ZNF142: variants seen among roughly 807,000 people sequenced by gnomAD.
ZNF142 encodes the protein zinc finger protein 142, also known as zinc finger protein 142 (clone pHZ-49).
Under a neutral mutation model 132.1 loss-of-function variants are expected in ZNF142, and 96 were observed. The observed-to-expected ratio is 0.73, with a 90% confidence interval of 0.62 to 0.86. ZNF142 has a LOEUF of 0.86. Among genes scored for constraint, ZNF142 ranks in the 40% least tolerant of loss-of-function variants. The pLI is 0.00. For missense variants in ZNF142, 2,163 were observed against 2,336.2 expected (o/e 0.93, Z 1.53); for synonymous variants, 842 against 890.1 (o/e 0.95, Z 0.96).
At position 218,643,188 on chromosome 2, in the gene ZNF142, G is replaced by C; in HGVS notation, c.3928C>G (p.Pro1310Ala). 1 of 1,614,250 alleles carries C rather than the reference G, an allele frequency of 6.2e-7. No homozygotes were observed. The highest frequency in any genetic ancestry group is 8.5e-7 in the Non-Finnish European group (1 of 1,180,046). ...GCCCGTTCCTGCTGGCAGCTAAAGG[G>C]ACATGTAGGGCAGGAGAAGCGAGCC... ...KGARFSCPTC[P>A]FSCQQERALR... is the part of the protein sequence containing the mutation. The change falls in exon 9 of 11, where the codon CCC becomes GCC. Residue 1310 changes from proline (P) to alanine (A), a missense_variant. Pro to Ala is a conservative substitution (Grantham distance 27, BLOSUM62 -1). This residue lies in a region of ZNF142 where 809 missense variants were observed against 801.7 expected (regional missense o/e 1.01). Transcript: ENST00000411696.
chr2:218,638,284 C>T lies in ZNF142; in HGVS notation c.*55G>A. 11 of 1,436,970 alleles carry T rather than the reference C, an allele frequency of 7.7e-6. No individual in the cohort carries two copies. The South Asian group carries it at 1.7e-4, about 22-fold the overall frequency. The allele number at this position is 1,436,970 out of a possible 1,614,324, so 89.0% of individuals were successfully genotyped here. ...GAGCTCCTCAGGCTAGCGCTGGTCC[C>T]AGTCTGCACATCTCAGACCATACCC... On this transcript the variant is annotated 3_prime_UTR_variant, in exon 11 of 11. Transcript: ENST00000411696.
At position 218,643,204 on chromosome 2, in the gene ZNF142, G is replaced by C. The variant is rs1270505216; in HGVS notation, c.3912C>G (p.Phe1304Leu). Residue 1304 changes from phenylalanine (F) to leucine (L), a missense_variant, in exon 9 of 11, where the codon TTC (phenylalanine) becomes TTG (leucine). Phe to Leu is a conservative substitution (Grantham distance 22). Transcript: ENST00000411696. ...AGCTAAAGGGACATGTAGGGCAGGA[G>C]AAGCGAGCCCCCTTCTGCTTTTGAA... ...VLVQKQKGAR[F>L]SCPTCPFSCQ... 1 of 1,614,252 alleles carries C rather than the reference G, an allele frequency of 6.2e-7. No individual in the cohort carries two copies. The highest frequency in any genetic ancestry group is 8.5e-7 in the Non-Finnish European group (1 of 1,180,040).
Position 218,656,259 on chromosome 2 carries a change from G to T in ZNF142, c.171C>A (p.Gly57=). 1 of 1,613,650 alleles carries T rather than the reference G, an allele frequency of 6.2e-7. No individual in the cohort carries two copies. Among genetic ancestry groups the T allele is most frequent in the Non-Finnish European group, 8.5e-7 (1 of 1,179,772 alleles). ...RDPAPIPTEP[G]CLLVEATATE... The stretch of plus-strand genomic sequence containing the variant: ...TTGCTGTGGCCTCTACCAGCAGGCA[G>T]CCTGGCTCAGTAGGTATAGGTGCAG... The change falls in exon 4 of 11, where the codon GGC becomes GGA. Residue 57 remains glycine, a synonymous_variant. Transcript: ENST00000411696.
At position 218,638,779 on chromosome 2, in the gene ZNF142, C is replaced by A; in HGVS notation, c.5224G>T (p.Glu1742Ter). Residue 1742 changes from glutamate (E) to a stop codon, truncating the protein, a stop_gained, in exon 11 of 11, where the codon GAG becomes TAG. Transcript: ENST00000411696. LOFTEE classifies it high-confidence loss of function. ...GLKPYQCPEC[E>*]YCTNRADALR... The stretch of plus-strand genomic sequence containing the variant: ...GCATCAGCCCGGTTGGTGCAGTACT[C>A]ACACTCGGGACACTGGTATGGCTTC... The A allele has an allele frequency of 6.2e-7, 1 of 1,605,594 alleles. No homozygotes were observed. The highest frequency in any genetic ancestry group is 1.3e-5 in the African/African-American group (1 of 75,026).
Position 218,648,800 on chromosome 2 carries a change from C to T in ZNF142, c.1708G>A (p.Glu570Lys). 1.2e-6 allele frequency: 2 copies of T among 1,614,202 alleles called. No individual in the cohort carries two copies. The highest frequency in any genetic ancestry group is 1.7e-6 in the Non-Finnish European group (2 of 1,180,012). The change falls in exon 7 of 11, where the codon GAA becomes AAA. Residue 570 changes from glutamate to lysine, a missense_variant. This residue lies in a region of ZNF142 where 749 missense variants were observed against 830.3 expected (regional missense o/e 0.90). Transcript: ENST00000411696. ...GGGCAGAAGGTGCAGCGCAGCTCTT[C>T]ACTGCCAGGGTGGCCCTGCTTCTTG... ...KHKKQGHPGSEELRCTFCPFA... is the reference protein window; with the variant it reads ...KHKKQGHPGSKELRCTFCPFA...
At position 218,634,223 on chromosome 2, in the gene ZNF142, T is replaced by C; in HGVS notation, c.*4116A>G. The C allele has an allele frequency of 1.9e-6, 3 of 1,606,832 alleles. No individual in the cohort carries two copies. Among genetic ancestry groups the C allele is most frequent in the Non-Finnish European group, 2.5e-6 (3 of 1,176,540 alleles). ...TCTGGAATGCAGGCTGCCAGATGGG[T>C]GAGGAGGCAGCAGGGACTGGGAAGA... is the stretch of plus-strand genomic sequence containing the variant. On this transcript the variant is annotated 3_prime_UTR_variant, in exon 11 of 11. Coordinates refer to ENST00000411696, the MANE Select transcript of ZNF142 (RefSeq NM_001379659.1). The surrounding 1 kb of genome is among the most constrained non-coding windows in gnomAD (Gnocchi z 4.0).
rs753651119 is a variant in ZNF142, at chr2:218,642,957, G to A, written c.4159C>T (p.Gln1387Ter). The A allele has an allele frequency of 6.2e-7, 1 of 1,613,604 alleles. No individual in the cohort carries two copies. The highest frequency in any genetic ancestry group is 1.7e-5 in the Admixed American group (1 of 60,020). The change falls in exon 9 of 11, where the codon CAG becomes TAG. Residue 1387 changes from glutamine to a stop codon, truncating the protein, a stop_gained. Transcript: ENST00000411696. LOFTEE classifies it high-confidence loss of function. The surrounding 1 kb of genome is among the most constrained non-coding windows in gnomAD (Gnocchi z 4.6). Reference sequence around the variant, plus strand: ...TCGTGCTTGAGCCGCCGGTGCTGCTGCATGCAACGGCTCTGTTTACAGGTG... The same window carrying A: ...TCGTGCTTGAGCCGCCGGTGCTGCTACATGCAACGGCTCTGTTTACAGGTG... ...GFTCKQSRCMQQHRRLKHEGV... is the reference protein window; with the variant it reads ...GFTCKQSRCM
Position 218,638,544 on chromosome 2 carries a change from G to A in ZNF142, c.5459C>T (p.Pro1820Leu). The change falls in exon 11 of 11, where the codon CCC becomes CTC. Residue 1820 changes from proline to leucine, a missense_variant. Physicochemically the swap from Pro to Leu is moderately conservative, Grantham distance 98 (BLOSUM62 -3). Transcript: ENST00000411696. ...GTAGTTGCAGAGGCGGCAAAAGAAGGGGTGGCGGTCGGTGTGGGTGAGGGC... is the reference window on the plus strand; with the variant it reads ...GTAGTTGCAGAGGCGGCAAAAGAAGAGGTGGCGGTCGGTGTGGGTGAGGGC... ...HHALTHTDRH[P>L]FFCRLCNYKA... The A allele has an allele frequency of 6.2e-7, 1 of 1,610,886 alleles. No individual in the cohort carries two copies. The highest frequency in any genetic ancestry group is 1.1e-5 in the South Asian group (1 of 90,880).
rs1210909953 is a variant in ZNF142 at position 218,637,563 on chromosome 2, G to A, written c.*776C>T. Among the ~76,000 whole-genome samples the A allele has an allele frequency of 6.6e-6, 1 of 152,204 alleles. No homozygotes were observed. The highest frequency in any genetic ancestry group is 2.4e-5 in the African/African-American group (1 of 41,448). ...TCTGAATTGGAGATTTTCCTCTCTA[G>A]TCATCTGCCTTTCCATAGTATCCTT... On this transcript the variant is annotated 3_prime_UTR_variant, in exon 11 of 11. Transcript: ENST00000411696.
At position 218,646,240 on chromosome 2, in the gene ZNF142, T is replaced by C. The variant is rs780091568; in HGVS notation, c.1982A>G (p.Glu661Gly). ...CTTCCACTTGGTGACATAGCCACAT[T>C]CAGTGCACATGTAATCCTTGGTGTT... ...HSNTKDYMCT[E>G]CGYVTKWKHY... is the part of the protein sequence containing the mutation. Residue 661 changes from glutamate to glycine, a missense_variant, in exon 8 of 11, where the codon GAA becomes GGA. Physicochemically the swap from Glu to Gly is moderately conservative, Grantham distance 98. Around this residue, in one of 7 missense-constraint regions of ZNF142, gnomAD observed 749 missense variants for 830.3 expected, o/e 0.90. Coordinates refer to ENST00000411696, the MANE Select transcript of ZNF142 (RefSeq NM_001379659.1). The C allele has an allele frequency of 4.3e-6, 7 of 1,614,238 alleles. No homozygotes were observed. The East Asian group carries it at 1.6e-4, about 36-fold the overall frequency.
In ZNF142 at chr2:218,636,203, G is replaced by A. The variant is rs764687400; in HGVS notation, c.*2136C>T. 6.7e-5 allele frequency: 106 copies of A among 1,588,418 alleles called. No individual in the cohort carries two copies. Among genetic ancestry groups the A allele is most frequent in the Non-Finnish European group, 8.9e-5 (103 of 1,157,118 alleles). ...GAAAAGCAACCCAGTCAAGAAAACT[G>A]TCATAATGTCTTCTTATTTCTTTCT... On this transcript the variant is annotated 3_prime_UTR_variant, in exon 11 of 11. Coordinates refer to ENST00000411696, the MANE Select transcript of ZNF142 (RefSeq NM_001379659.1).
chr2:218,644,955 A>G lies in ZNF142; in HGVS notation c.2161T>C (p.Cys721Arg). 1 of 1,614,154 alleles carries G rather than the reference A, an allele frequency of 6.2e-7. No homozygotes were observed. Among genetic ancestry groups the G allele is most frequent in the East Asian group, 2.2e-5 (1 of 44,874 alleles). Residue 721 changes from cysteine to arginine, a missense_variant, in exon 9 of 11, where the codon TGC (cysteine) becomes CGC (arginine). Transcript: ENST00000411696. The surrounding 1 kb of genome is among the most constrained non-coding windows in gnomAD (Gnocchi z 4.6). Reference protein sequence around the residue: ...SLMCEVCAFACKRKYELQKHM... With the variant: ...SLMCEVCAFARKRKYELQKHM... The stretch of plus-strand genomic sequence containing the variant: ...TTCTGCAGCTCATACTTCCGCTTGC[A>G]GGCGAAGGCACACACCTCACACATC...
At chr2:218,645,559 G>A (rs1416403993) in intron 8 of ZNF142, among the ~76,000 whole-genome samples, 1 of 152,166 alleles carries the variant, frequency 6.6e-6, no homozygotes, top group African/African-American at 2.4e-5. Context: ...CATGAATATA[G>A]TGTCTATCCA....
rs757399011 is a variant in ZNF142, at chr2:218,643,347, C to G, written c.3769G>C (p.Gly1257Arg). ...EGCRGGRGGG[G>R]KRGTPQTQPD... is the part of the protein sequence containing the mutation. ...TGGGTCTGGGGGGTCCCTCGTTTTC[C>G]TCCCCCGCCACGTCCCCCCCTGCAG... is the stretch of plus-strand genomic sequence containing the variant. The change falls in exon 9 of 11, where the codon GGA (glycine) becomes CGA (arginine). Residue 1257 changes from glycine to arginine, a missense_variant. Physicochemically the swap from Gly to Arg is moderately radical, Grantham distance 125. This residue lies in a region of ZNF142 where 809 missense variants were observed against 801.7 expected (regional missense o/e 1.01). Coordinates refer to ENST00000411696, the MANE Select transcript of ZNF142 (RefSeq NM_001379659.1). 1.9e-6 allele frequency: 3 copies of G among 1,614,156 alleles called. No homozygotes were observed. Among genetic ancestry groups the G allele is most frequent in the Admixed American group, 3.3e-5 (2 of 60,022 alleles).
chr2:218,633,657 AGTCT>A lies in ZNF142; in HGVS notation c.*4678_*4681del, dbSNP rs1696525992. On this transcript the variant is annotated 3_prime_UTR_variant, in exon 11 of 11. Transcript: ENST00000411696. ...CTCTCTTCCCTGGTTATCTACTTGA[AGTCT>A]GTCTCATTCCGCAGCTTCACACATT... 5.0e-6 allele frequency: 8 copies of A among 1,613,306 alleles called. No individual in the cohort carries two copies. Among genetic ancestry groups the A allele is most frequent in the Non-Finnish European group, 5.9e-6 (7 of 1,179,410 alleles).
chr2:218,650,220 T>C lies in ZNF142; in HGVS notation c.1048+139A>G, dbSNP rs16859160. ...CATTTATCATTTTCCCACTAGACCT[T>C]GACTTTTGAGTCAAGGTAGAACAGA... On this transcript the variant is annotated intron_variant, in intron 6 of 10. Transcript: ENST00000411696. The C allele has an allele frequency of 0.016, 16,432 of 1,031,076 alleles. 1,136 individuals carry two copies. In the African/African-American group the frequency reaches 0.19, roughly 12 times the overall value. The allele number at this position is 1,031,076 out of a possible 1,614,324, so 63.9% of individuals were successfully genotyped here.
rs1342939103 is a variant in ZNF142, at chr2:218,649,191, G to A, written c.1317C>T (p.Ala439=). ...AGTTGGAAATATCTTCATGCATGCT[G>A]GCCATGTGGCGGTTGAGTGCATTCC... ...VERNALNRHM[A]SMHEDISNFY... The change falls in exon 7 of 11, where the codon GCC becomes GCT. Residue 439 remains alanine (A), a synonymous_variant. Transcript: ENST00000411696. The A allele has an allele frequency of 1.7e-5, 27 of 1,614,112 alleles. No individual in the cohort carries two copies. The highest frequency in any genetic ancestry group is 2.3e-5 in the Non-Finnish European group (27 of 1,180,050).
chr2:218,638,661 C>T lies in ZNF142; in HGVS notation c.5342G>A (p.Arg1781His), dbSNP rs559784734. 91 of 1,614,194 alleles carry T rather than the reference C, an allele frequency of 5.6e-5. No individual in the cohort carries two copies. Among genetic ancestry groups the T allele is most frequent in the South Asian group, 5.5e-5 (5 of 91,088 alleles). ...GKAFKTRFLL[R>H]THLRKHSEAK... ...CTCACTGTGCTTGCGAAGGTGGGTG[C>T]GCAGCAGGAAGCGCGTCTTGAAGGC... Residue 1781 changes from arginine (R) to histidine (H), a missense_variant, in exon 11 of 11, where the codon CGC (arginine) becomes CAC (histidine). By Grantham distance (29) the Arg-to-His change is conservative. Around this residue, in one of 7 missense-constraint regions of ZNF142, gnomAD observed 325 missense variants for 367.8 expected, o/e 0.88. Transcript: ENST00000411696.
At chr2:218,649,585 G>A in intron 6 of ZNF142, 126 bp from the exon 7 acceptor site, 2 of 898,200 alleles carry the variant, frequency 2.2e-6, no homozygotes, top group Admixed American at 2.9e-5. Context: ...CAAGCAAAAG[G>A]GTCTCAAATA....
Sources: allele counts gnomAD v4.1 joint callset (sites outside exome capture counted in the v4.1 genomes callset), GRCh38; gene constraint gnomAD v4.1.1; regional missense constraint gnomAD v4.1.1; non-coding constraint Gnocchi (gnomAD v3.1); transcripts MANE v1.5; gene names NCBI Gene and HGNC (gene_info 2026-07-23, HGNC 2026-07-21).